Variants in PRELID2 observed in about 807,000 individuals in gnomAD.
PRELID2 encodes the protein PRELI domain-containing protein 2.
PRELID2 carries 25 observed loss-of-function variants against 28.4 expected under a neutral mutation model. That is an observed-to-expected ratio of 0.88 (90% CI 0.64 to 1.23). The LOEUF (loss-of-function observed/expected upper bound fraction) is 1.23. Among genes scored for constraint, PRELID2 ranks in the 50% most tolerant of loss-of-function variants. The pLI is 0.00. For synonymous variants in PRELID2, 76 were observed against 71.6 expected (o/e 1.06, Z -0.31); for missense variants, 201 against 214.4 (o/e 0.94, Z 0.39).
At chr5:145,673,269 C>A (rs1042072629) in intron 1 of PRELID2, among the ~76,000 whole-genome samples, 17 of 152,094 alleles carry the variant, frequency 1.1e-4, no homozygotes, top group Non-Finnish European at 2.4e-4. Context: ...TTAACTGCAG[C>A]AAAATGATAT....
chr5:145,446,858 C>T, the PRELID2 span, among the ~76,000 whole-genome samples: 1 of 151,828 alleles, frequency 6.6e-6, no homozygotes, highest in East Asian at 1.9e-4. Flanking sequence ...ACCAGCCTGG[C>T]CAACATAGTG....
the PRELID2 span, among the ~76,000 whole-genome samples, chr5:145,278,049 A>G: frequency 1.3e-5 from 2 of 152,124 alleles, no homozygotes; most frequent in Non-Finnish European, 2.9e-5. Context: ...CCAGAACCAT[A>G]TATTTACAGA....
intron 5 of PRELID2, among the ~76,000 whole-genome samples, chr5:145,771,595 C>T (rs1000853229): frequency 6.6e-6 from 1 of 151,854 alleles, no homozygotes; most frequent in Non-Finnish European, 1.5e-5. Context: ...TGGCTCACGC[C>T]TGTAATCCCA....
At chr5:145,336,214 T>G in the PRELID2 span, among the ~76,000 whole-genome samples, 479 of 152,256 alleles carry the variant, frequency 3.1e-3, no homozygotes, top group Non-Finnish European at 4.7e-3. Context: ...TTTCTCCCAT[T>G]TTGTAGGTTG....
At chr5:145,603,189 G>A (rs1055977258) in intron 1 of PRELID2, among the ~76,000 whole-genome samples, 7 of 151,018 alleles carry the variant, frequency 4.6e-5, no homozygotes, top group Admixed American at 6.6e-5. Flanking sequence ...TAAGTTCTGC[G>A]AATTTTACAG....
At chr5:145,415,571 A>G in the PRELID2 span, among the ~76,000 whole-genome samples, 2 of 150,406 alleles carry the variant, frequency 1.3e-5, no homozygotes, top group Admixed American at 6.7e-5. Flanking sequence ...GAGAATGATG[A>G]TTTCCAATTT....
At chr5:145,680,421 G>A (rs145341004) in intron 1 of PRELID2, among the ~76,000 whole-genome samples, 1 of 152,318 alleles carries the variant, frequency 6.6e-6, no homozygotes, top group East Asian at 1.9e-4. Flanking sequence ...CACAACCACA[G>A]CTGATTGGAC....
At chr5:145,390,643 G>A in the PRELID2 span, among the ~76,000 whole-genome samples, 1 of 152,024 alleles carries the variant, frequency 6.6e-6, no homozygotes, top group Non-Finnish European at 1.5e-5. Flanking sequence ...TTCTGCCCCG[G>A]CCCCTCTCAA....
At chr5:145,694,350 T>C (rs1167115874) in intron 1 of PRELID2, among the ~76,000 whole-genome samples, 1 of 152,210 alleles carries the variant, frequency 6.6e-6, no homozygotes, top group Admixed American at 6.5e-5. Context: ...GCAGTCTTTA[T>C]GTTTATTTTT....
chr5:145,674,156 T>C (rs1423779139), intron 1 of PRELID2, among the ~76,000 whole-genome samples: 1 of 152,196 alleles, frequency 6.6e-6, no homozygotes, highest in Non-Finnish European at 1.5e-5. Flanking sequence ...TTTTAAAATG[T>C]GGTTTTGGTA....
chr5:145,384,906 C>T, the PRELID2 span, among the ~76,000 whole-genome samples: 143 of 152,242 alleles, frequency 9.4e-4, no homozygotes, highest in Non-Finnish European at 1.7e-3. Flanking sequence ...ATCCATTCAC[C>T]TCCCACCAGG....
chr5:145,309,188 G>T, the PRELID2 span, among the ~76,000 whole-genome samples: 1 of 152,176 alleles, frequency 6.6e-6, no homozygotes, highest in Non-Finnish European at 1.5e-5. Flanking sequence ...CAAACATTGA[G>T]AAAATACTAC....
chr5:145,739,879 A>C (rs1756605056), intron 1 of PRELID2, among the ~76,000 whole-genome samples: 1 of 151,942 alleles, frequency 6.6e-6, no homozygotes. Context: ...AAATTAATCA[A>C]ATTATAAAAT....
At chr5:145,694,224 GT>G (rs1755209093) in intron 1 of PRELID2, among the ~76,000 whole-genome samples, 1 of 152,142 alleles carries the variant, frequency 6.6e-6, no homozygotes, top group African/African-American at 2.4e-5. Flanking sequence ...GTATATTTCT[GT>G]TTTTAAACAC....
intron 1 of PRELID2, among the ~76,000 whole-genome samples, chr5:145,489,761 G>A (rs1001672685): frequency 6.6e-6 from 1 of 152,044 alleles, no homozygotes; most frequent in African/African-American, 2.4e-5. Flanking sequence ...TAGCACATTG[G>A]GAAGATAAAA....
At chr5:145,418,769 T>G in the PRELID2 span, among the ~76,000 whole-genome samples, 1 of 151,922 alleles carries the variant, frequency 6.6e-6, no homozygotes, top group Admixed American at 6.6e-5. Context: ...AGGGTACATG[T>G]GCACATTGTG....
chr5:145,735,700 A>T (rs557250270), intron 1 of PRELID2, among the ~76,000 whole-genome samples: 1 of 152,312 alleles, frequency 6.6e-6, no homozygotes, highest in East Asian at 1.9e-4. Context: ...GCTCCTGGAC[A>T]AGTCACTTAC....
chr5:145,432,347 AG>A, the PRELID2 span, among the ~76,000 whole-genome samples: 2 of 151,800 alleles, frequency 1.3e-5, no homozygotes, highest in Non-Finnish European at 2.9e-5. Flanking sequence ...TTTAATTTTA[AG>A]GAACTTCCCA....
At chr5:145,672,838 T>A (rs1754736145) in intron 1 of PRELID2, among the ~76,000 whole-genome samples, 1 of 152,228 alleles carries the variant, frequency 6.6e-6, no homozygotes, top group African/African-American at 2.4e-5. Flanking sequence ...GCAGAATTTT[T>A]CTTCTAGCTT....
Sources: gnomAD v4.1 joint callset for allele counts (sites outside exome capture counted in the v4.1 genomes callset) on GRCh38, gnomAD v4.1.1 for gene constraint, MANE v1.5 for transcripts, NCBI Gene and HGNC (gene_info 2026-07-23, HGNC 2026-07-21) for gene names.